The following TSHZ2 variants were observed in gnomAD, a reference collection of about 807,000 sequenced individuals.
The protein encoded by TSHZ2 is teashirt homolog 2.
In TSHZ2, 21 loss-of-function variants were observed where a neutral mutation model predicts 74.4. The ratio of observed to expected loss-of-function variants is 0.28; its 90% CI spans 0.20 to 0.41. The LOEUF is 0.41. TSHZ2 is among the 10% of genes least tolerant of loss of function. The probability of loss-of-function intolerance (pLI) is 1.00; values close to 1 mark genes in which losing one functional copy is unlikely to be tolerated. For synonymous variants in TSHZ2, 540 were observed against 515.3 expected (o/e 1.05, Z -0.65); for missense variants, 1,244 against 1,293.5 (o/e 0.96, Z 0.59).
At position 53,175,131 on chromosome 20, in the gene TSHZ2, CTTTT is replaced by C. The variant is rs750453219; in HGVS notation, c.41-78343_41-78340del. Among the ~76,000 whole-genome samples the C allele has an allele frequency of 1.3e-3, 82 of 63,632 alleles. 1 individual carries two copies. The highest frequency in any genetic ancestry group is 2.4e-3 in the Admixed American group (11 of 4,540). The allele number at this position is 63,632 out of a possible 152,430, so 41.7% of individuals were successfully genotyped here. Reference sequence around the variant, plus strand: ...CTCCTTCTCCTCCTTCTTCTTCTTTCTTTTTTTTTTTTTTTTTTTTTTTTTTTTC... The same window carrying C: ...CTCCTTCTCCTCCTTCTTCTTCTTTCTTTTTTTTTTTTTTTTTTTTTTTTC... On this transcript the variant is annotated intron_variant, in intron 1 of 2. Coordinates refer to ENST00000371497, the MANE Select transcript of TSHZ2 (RefSeq NM_173485.6).
chr20:53,240,730 G>GATAGATAA (rs1288135821), intron 1 of TSHZ2, among the ~76,000 whole-genome samples: 1 of 141,566 alleles, frequency 7.1e-6, no homozygotes, highest in East Asian at 2.3e-4. Flanking sequence ...ATGATAGATA[G>GATAGATAA]ATAGATAGAT....
rs1980927862 is a variant in TSHZ2, at chr20:53,358,356, T to TC, written c.*8+101788dup. Among the ~76,000 whole-genome samples, 8 of 82,258 alleles carry TC rather than the reference T, an allele frequency of 9.7e-5. No individual in the cohort carries two copies. In the South Asian group the frequency reaches 1.1e-3, roughly 11 times the overall value. 54.0% of individuals were successfully genotyped at this position (82,258 alleles called of 152,430 possible). A position where few individuals can be genotyped will look rare whatever the true frequency, so the allele number is the denominator to read the frequency against. On this transcript the variant is annotated intron_variant, in intron 2 of 2. Coordinates refer to ENST00000371497, the MANE Select transcript of TSHZ2 (RefSeq NM_173485.6). ...TTTTTTTTTTTTTTTTTTTTTTTTT[T>TC]CCCAAACAGAGTCTCATTCTGTCAC...
intron 2 of TSHZ2, among the ~76,000 whole-genome samples, chr20:53,279,026 G>A (rs1214462203): frequency 1.3e-5 from 2 of 152,134 alleles, no homozygotes; most frequent in Non-Finnish European, 1.5e-5. Context: ...TTACAATAAA[G>A]TAAGCTAGAG....
At chr20:53,328,367 C>T (rs1474406573) in intron 2 of TSHZ2, among the ~76,000 whole-genome samples, 2 of 152,226 alleles carry the variant, frequency 1.3e-5, no homozygotes, top group Non-Finnish European at 2.9e-5. Context: ...AAATCCAACT[C>T]TGTTTGTAAG....
At chr20:53,282,854 G>A (rs1313956213) in intron 2 of TSHZ2, among the ~76,000 whole-genome samples, 7 of 152,308 alleles carry the variant, frequency 4.6e-5, no homozygotes, top group South Asian at 4.1e-4. Flanking sequence ...AGGCCTTGCC[G>A]AGACTCCTTC....
At chr20:53,067,918 G>C (rs1172335946) in intron 1 of TSHZ2, among the ~76,000 whole-genome samples, 3 of 152,174 alleles carry the variant, frequency 2.0e-5, no homozygotes, top group Admixed American at 6.5e-5. Context: ...GCTCTGGGGA[G>C]GACCCTTCCT....
intron 1 of TSHZ2, among the ~76,000 whole-genome samples, chr20:53,086,242 C>T (rs1985696351): frequency 6.6e-6 from 1 of 152,176 alleles, no homozygotes; most frequent in African/African-American, 2.4e-5. Flanking sequence ...GGAATTGATG[C>T]AAAGGTGGGG....
intron 2 of TSHZ2, among the ~76,000 whole-genome samples, chr20:53,445,649 C>T (rs1036794870): frequency 6.6e-6 from 1 of 152,176 alleles, no homozygotes; most frequent in Non-Finnish European, 1.5e-5. Flanking sequence ...CCCAATGCCA[C>T]AGCACTGGTC....
chr20:53,265,178 G>C (rs1990687798), intron 2 of TSHZ2, among the ~76,000 whole-genome samples: 2 of 151,714 alleles, frequency 1.3e-5, no homozygotes, highest in African/African-American at 2.4e-5. Flanking sequence ...GCCTAGAGAG[G>C]TTCAGTGACT....
At chr20:53,486,483 G>A (rs1439212976) in intron 2 of TSHZ2, among the ~76,000 whole-genome samples, 1 of 151,918 alleles carries the variant, frequency 6.6e-6, no homozygotes, top group Non-Finnish European at 1.5e-5. Context: ...TGGGAGGATT[G>A]CTTGAGCCCA....
intron 1 of TSHZ2, among the ~76,000 whole-genome samples, chr20:53,123,215 A>G (rs915334770): frequency 2.0e-5 from 3 of 152,204 alleles, no homozygotes; most frequent in South Asian, 2.1e-4. Context: ...TCAGTTATCT[A>G]TTGACAGGAC....
intron 1 of TSHZ2, among the ~76,000 whole-genome samples, chr20:53,129,498 A>G (rs1354984712): frequency 6.6e-6 from 1 of 152,212 alleles, no homozygotes; most frequent in Non-Finnish European, 1.5e-5. Flanking sequence ...TCTGTACCAT[A>G]CTATATCCAT....
At chr20:52,985,057 G>A (rs573978174) in intron 1 of TSHZ2, among the ~76,000 whole-genome samples, 2 of 152,154 alleles carry the variant, frequency 1.3e-5, no homozygotes, top group African/African-American at 4.8e-5. Context: ...AGAACTGACC[G>A]TACAGGGAAA....
chr20:53,461,315 G>GTCACC (rs1448020911), intron 2 of TSHZ2, among the ~76,000 whole-genome samples: 95 of 152,318 alleles, frequency 6.2e-4, no homozygotes, highest in African/African-American at 2.1e-3. Flanking sequence ...AGGTGCGTCC[G>GTCACC]TCACCCTTTT....
chr20:53,425,318 T>C (rs926797897), intron 2 of TSHZ2, among the ~76,000 whole-genome samples: 43 of 152,328 alleles, frequency 2.8e-4, no homozygotes, highest in African/African-American at 9.6e-4. Context: ...AGATCTTAAT[T>C]TGAAACAAAG....
intron 1 of TSHZ2, among the ~76,000 whole-genome samples, chr20:53,162,784 G>T (rs1053022093): frequency 1.3e-5 from 2 of 152,210 alleles, no homozygotes; most frequent in Non-Finnish European, 2.9e-5. Context: ...ACTATTAACT[G>T]CAGAGACATC....
At chr20:53,306,581 G>T (rs964329553) in intron 2 of TSHZ2, among the ~76,000 whole-genome samples, 1 of 151,976 alleles carries the variant, frequency 6.6e-6, no homozygotes, top group Non-Finnish European at 1.5e-5. Flanking sequence ...ATGAAACCTC[G>T]CGGAGGAAAA....
At chr20:53,461,204 G>T (rs539483124) in intron 2 of TSHZ2, among the ~76,000 whole-genome samples, 1 of 151,784 alleles carries the variant, frequency 6.6e-6, no homozygotes, top group Non-Finnish European at 1.5e-5. Flanking sequence ...CTCCATGGGC[G>T]TAGGACCCTC....
chr20:53,096,742 C>T (rs1312908387), intron 1 of TSHZ2, among the ~76,000 whole-genome samples: 1 of 151,584 alleles, frequency 6.6e-6, no homozygotes, highest in East Asian at 2.0e-4. Flanking sequence ...CTTAGCTGGG[C>T]GTGGTTGTGG....
Sources: gnomAD v4.1 joint callset for allele counts (sites outside exome capture counted in the v4.1 genomes callset) on GRCh38, gnomAD v4.1.1 for gene constraint, MANE v1.5 for transcripts, NCBI Gene and HGNC (gene_info 2026-07-23, HGNC 2026-07-21) for gene names.